Variants in PLXNA4 observed in about 807,000 individuals in gnomAD.
The protein encoded by PLXNA4 is plexin-A4.
In PLXNA4, 44 loss-of-function variants were observed where a neutral mutation model predicts 191.8. That is an observed-to-expected ratio of 0.23 (90% CI 0.18 to 0.29). PLXNA4 has a LOEUF of 0.29. Ranked by LOEUF, PLXNA4 falls within the 10% of genes least tolerant of loss-of-function variation. PLXNA4 has a pLI of 1.00. For synonymous variants in PLXNA4, 1,082 were observed against 1,009.5 expected (o/e 1.07, Z -1.36); for missense variants, 1,800 against 2,488.8 (o/e 0.72, Z 5.89).
rs1156785033 is a variant in PLXNA4, at chr7:132,508,756, G to A, written c.-63C>T. 1 of 1,446,962 alleles carries A rather than the reference G, an allele frequency of 6.9e-7. No individual in the cohort carries two copies. Among genetic ancestry groups the A allele is most frequent in the East Asian group, 2.5e-5 (1 of 40,182 alleles). 89.6% of individuals were successfully genotyped at this position (1,446,962 alleles called of 1,614,324 possible). A position where few individuals can be genotyped will look rare whatever the true frequency, so the allele number is the denominator to read the frequency against. Reference sequence around the variant, plus strand: ...CACAGTCGTCCCCTCAGAGGGCCAGGACTCAGCAATGCAGTCTCCCCTACT... The same window carrying A: ...CACAGTCGTCCCCTCAGAGGGCCAGAACTCAGCAATGCAGTCTCCCCTACT... On this transcript the variant is annotated 5_prime_UTR_variant, in exon 2 of 32. Coordinates refer to ENST00000321063, the MANE Select transcript of PLXNA4 (RefSeq NM_020911.2). The surrounding 1 kb of genome is among the most constrained non-coding windows in gnomAD (Gnocchi z 4.4).
intron 4 of PLXNA4, among the ~76,000 whole-genome samples, chr7:132,274,766 C>CTTTT (rs3057256): frequency 1.7e-3 from 183 of 106,188 alleles, no homozygotes; most frequent in Middle Eastern, 6.7e-3. Flanking sequence ...TCAGTGCATC[C>CTTTT]TTTTTTTTTT....
chr7:132,166,872 T>G (rs930434610), intron 22 of PLXNA4, among the ~76,000 whole-genome samples: 2 of 152,148 alleles, frequency 1.3e-5, no homozygotes, highest in African/African-American at 2.4e-5. Flanking sequence ...TCCAAAGCTG[T>G]CTGCTGGCTC....
chr7:132,565,374 A>T (rs1801675275), intron 1 of PLXNA4, among the ~76,000 whole-genome samples: 1 of 152,162 alleles, frequency 6.6e-6, no homozygotes, highest in Non-Finnish European at 1.5e-5. Flanking sequence ...TGAAAACCTC[A>T]GGATTATTTT....
chr7:132,211,739 C>T (rs928319418), intron 9 of PLXNA4, among the ~76,000 whole-genome samples: 1 of 152,192 alleles, frequency 6.6e-6, no homozygotes, highest in Non-Finnish European at 1.5e-5. Flanking sequence ...TCTAGGATGT[C>T]CTGGCCCCAA....
At chr7:132,190,889 C>G (rs1584820506) in intron 14 of PLXNA4, among the ~76,000 whole-genome samples, 1 of 152,126 alleles carries the variant, frequency 6.6e-6, no homozygotes, top group African/African-American at 2.4e-5. Context: ...AGCCACTGAG[C>G]GGTGTGATGC....
chr7:132,198,773 C>A, intron 12 of PLXNA4, 137 bp from the exon 13 acceptor site: 2 of 1,354,818 alleles, frequency 1.5e-6, no homozygotes, highest in Non-Finnish European at 2.0e-6. Flanking sequence ...CAAGGGCACC[C>A]AAAGCCTGCG....
intron 4 of PLXNA4, among the ~76,000 whole-genome samples, chr7:132,245,918 G>T (rs1799033616): frequency 6.6e-6 from 1 of 152,200 alleles, no homozygotes; most frequent in Non-Finnish European, 1.5e-5. Context: ...TACGGTGGTT[G>T]CCAGGGACTA....
chr7:132,225,227 G>C (rs2116965521), intron 8 of PLXNA4, among the ~76,000 whole-genome samples: 1 of 152,322 alleles, frequency 6.6e-6, no homozygotes, highest in Middle Eastern at 3.4e-3. Context: ...ATAATGGCAA[G>C]AACACATGTG....
At chr7:132,630,996 A>G (rs924340994) in intron 2 of PLXNA4, among the ~76,000 whole-genome samples, 26 of 152,220 alleles carry the variant, frequency 1.7e-4, no homozygotes, top group African/African-American at 5.8e-4. Context: ...AGAACTTTCA[A>G]ACTTTTAAAC....
chr7:132,431,381 T>A (rs1170711370), intron 3 of PLXNA4, among the ~76,000 whole-genome samples: 1 of 152,030 alleles, frequency 6.6e-6, no homozygotes, highest in African/African-American at 2.4e-5. Context: ...GAAGCTGACA[T>A]ACACCCTCCT....
intron 28 of PLXNA4, 66 bp downstream of exon 28, chr7:132,146,444 T>C: frequency 6.2e-7 from 1 of 1,613,864 alleles, no homozygotes; most frequent in Non-Finnish European, 8.5e-7. Context: ...CTGGCATTTC[T>C]GTGGGCTGAT....
At chr7:132,244,040 C>G (rs1798967129) in intron 4 of PLXNA4, among the ~76,000 whole-genome samples, 2 of 152,040 alleles carry the variant, frequency 1.3e-5, no homozygotes, top group Non-Finnish European at 2.9e-5. Flanking sequence ...TTATTAGCTT[C>G]TGGAACAGCT....
chr7:132,483,997 G>A (rs1797444918), intron 3 of PLXNA4, among the ~76,000 whole-genome samples: 1 of 152,224 alleles, frequency 6.6e-6, no homozygotes, highest in South Asian at 2.1e-4. Context: ...CAGGGAAGGT[G>A]GGTGGGCCCA....
intron 3 of PLXNA4, among the ~76,000 whole-genome samples, chr7:132,394,422 C>T (rs978520527): frequency 2.0e-5 from 3 of 152,182 alleles, no homozygotes; most frequent in African/African-American, 7.2e-5. Context: ...GGTTCTAGTC[C>T]CAGCTCTGCC....
intron 4 of PLXNA4, among the ~76,000 whole-genome samples, chr7:132,253,225 C>G (rs989143806): frequency 7.9e-6 from 1 of 126,726 alleles, no homozygotes; most frequent in Non-Finnish European, 1.6e-5. Flanking sequence ...TTGAATTTTT[C>G]TTTTTTCTTT....
chr7:132,520,152 A>G (rs1799114719), intron 1 of PLXNA4, among the ~76,000 whole-genome samples: 1 of 152,214 alleles, frequency 6.6e-6, no homozygotes, highest in African/African-American at 2.4e-5. Context: ...TCTTTGCTTA[A>G]GTTGCCTTTT....
At chr7:132,199,724 G>T (rs190042054) in intron 12 of PLXNA4, among the ~76,000 whole-genome samples, 2 of 152,302 alleles carry the variant, frequency 1.3e-5, no homozygotes, top group Admixed American at 1.3e-4. Flanking sequence ...CTGGGGTAAG[G>T]GTGAAAGATG....
intron 1 of PLXNA4, among the ~76,000 whole-genome samples, chr7:132,537,312 G>T (rs1253834662): frequency 1.3e-5 from 2 of 152,226 alleles, no homozygotes; most frequent in Non-Finnish European, 2.9e-5. Context: ...TGCCTAAAAT[G>T]AGCTCTTGGC....
At chr7:132,164,098 G>A in intron 24 of PLXNA4, 44 bp downstream of exon 24, 1 of 1,610,578 alleles carries the variant, frequency 6.2e-7, no homozygotes, top group Non-Finnish European at 8.5e-7. Context: ...CAGGATGGAA[G>A]CCCGCCTGTC....
Sources: gnomAD v4.1 joint callset for allele counts (sites outside exome capture counted in the v4.1 genomes callset) on GRCh38, gnomAD v4.1.1 for gene constraint, Gnocchi (gnomAD v3.1) non-coding constraint, MANE v1.5 for transcripts, NCBI Gene and HGNC (gene_info 2026-07-23, HGNC 2026-07-21) for gene names.